RAB37: variants seen among roughly 807,000 people sequenced by gnomAD.
RAB37 encodes RAB37, member RAS oncogene family.
RAB37 carries 29 observed loss-of-function variants against 33.1 expected under a neutral mutation model. That is an observed-to-expected ratio of 0.88 (90% CI 0.65 to 1.20). RAB37 has a LOEUF of 1.20. Ranked by LOEUF, RAB37 falls within the 50% of genes most tolerant of loss-of-function variation. The pLI is 0.00. For synonymous variants in RAB37, 128 were observed against 119.5 expected (o/e 1.07, Z -0.47); for missense variants, 299 against 301.1 (o/e 0.99, Z 0.05).
At chr17:74,680,949 C>A (rs1471177412) in intron 1 of RAB37, among the ~76,000 whole-genome samples, 1 of 152,214 alleles carries the variant, frequency 6.6e-6, no homozygotes, top group Non-Finnish European at 1.5e-5. Context: ...CCCACCACCA[C>A]CCCTGTTCAC....
At chr17:74,700,815 C>T (rs1052551969) in intron 1 of RAB37, among the ~76,000 whole-genome samples, 6 of 152,202 alleles carry the variant, frequency 3.9e-5, no homozygotes, top group East Asian at 3.9e-4. Context: ...ACCACCCCCC[C>T]ACCCCAATCC....
At chr17:74,736,488 A>G (rs2034476520), upstream of RAB37, 6 of 1,393,704 alleles carry the variant, frequency 4.3e-6, no homozygotes, top group Non-Finnish European at 5.6e-6. Context: ...CGACTTCATG[A>G]ATTTATTTGG....
rs1232525163 is a variant in RAB37 at position 74,676,472 on chromosome 17, G to C, written c.72+4814G>C. Among the ~76,000 whole-genome samples, 1 of 152,016 alleles carries C rather than the reference G, an allele frequency of 6.6e-6. No homozygotes were observed. The highest frequency in any genetic ancestry group is 1.5e-5 in the Non-Finnish European group (1 of 68,008). Reference sequence around the variant, plus strand: ...TCCGACTGCTCTAACACCTCTTCTGGGTGAAAGGAAAAGGCAAGCAGGTAA... The same window carrying C: ...TCCGACTGCTCTAACACCTCTTCTGCGTGAAAGGAAAAGGCAAGCAGGTAA... On this transcript the variant is annotated intron_variant, in intron 1 of 7. Coordinates refer to the RAB37 transcript ENST00000340415. The surrounding 1 kb of genome is among the most constrained non-coding windows in gnomAD (Gnocchi z 4.1).
At chr17:74,686,161 C>T (rs750717456) in intron 1 of RAB37, among the ~76,000 whole-genome samples, 4 of 152,056 alleles carry the variant, frequency 2.6e-5, no homozygotes, top group Admixed American at 6.6e-5. Flanking sequence ...AGTGCCATTT[C>T]GGCTTACCGT....
At chr17:74,708,242 C>T (rs930788754) in intron 1 of RAB37, among the ~76,000 whole-genome samples, 2 of 151,838 alleles carry the variant, frequency 1.3e-5, no homozygotes, top group Non-Finnish European at 2.9e-5. Flanking sequence ...TGAATCATTC[C>T]ACAGCTATTA....
chr17:74,705,231 T>C (rs2033412022), intron 1 of RAB37: 1 of 702,312 alleles, frequency 1.4e-6, no homozygotes, highest in African/African-American at 1.7e-5. Context: ...ATGACCCTCA[T>C]GAGGTCGAGC....
intron 1 of RAB37, among the ~76,000 whole-genome samples, chr17:74,718,602 G>A (rs2034200221): frequency 6.6e-6 from 1 of 152,170 alleles, no homozygotes; most frequent in Non-Finnish European, 1.5e-5. Flanking sequence ...TTCAGCAACA[G>A]GTAGGCTAAA....
intron 1 of RAB37, among the ~76,000 whole-genome samples, chr17:74,675,650 C>T (rs2031813969): frequency 6.6e-6 from 1 of 152,204 alleles, no homozygotes; most frequent in African/African-American, 2.4e-5. Flanking sequence ...AGCGTGACTT[C>T]TATGCAAACA....
chr17:74,685,017 C>T (rs1204839437), intron 1 of RAB37, among the ~76,000 whole-genome samples: 2 of 150,656 alleles, frequency 1.3e-5, no homozygotes, highest in African/African-American at 4.9e-5. Flanking sequence ...TTTTGAAACT[C>T]ATAGAAAGGT....
chr17:74,710,478 T>C (rs1216428887), intron 1 of RAB37, among the ~76,000 whole-genome samples: 1 of 152,040 alleles, frequency 6.6e-6, no homozygotes, highest in Non-Finnish European at 1.5e-5. Flanking sequence ...GAAAGTAAAG[T>C]AGAAAAGTGC....
In RAB37 at chr17:74,744,407, T is replaced by C; in HGVS notation, c.432+34T>C. 6.2e-7 allele frequency: 1 copy of C among 1,601,076 alleles called. No individual in the cohort carries two copies. ...CTCCGGGGCAGGGTCAGCCCAGCCCTGCACTTCCTCAGCCCTAGCCGGCCC... is the reference window on the plus strand; with the variant it reads ...CTCCGGGGCAGGGTCAGCCCAGCCCCGCACTTCCTCAGCCCTAGCCGGCCC... On this transcript the variant is annotated intron_variant, in intron 6 of 8. Transcript: ENST00000392613. The surrounding 1 kb of genome is among the most constrained non-coding windows in gnomAD (Gnocchi z 4.2).
At chr17:74,711,950 G>C (rs2033999632) in intron 1 of RAB37, among the ~76,000 whole-genome samples, 1 of 126,012 alleles carries the variant, frequency 7.9e-6, no homozygotes, top group Non-Finnish European at 1.6e-5. Flanking sequence ...TGTCACCCAT[G>C]CTGGAAGGCA....
intron 1 of RAB37, among the ~76,000 whole-genome samples, chr17:74,693,153 G>A (rs1225110016): frequency 6.6e-6 from 1 of 152,242 alleles, no homozygotes; most frequent in African/African-American, 2.4e-5. Context: ...CTTCTAAGAG[G>A]TAACATTTAA....
rs773502436 is a variant in RAB37 at position 74,744,834 on chromosome 17, A to C, written c.433-39A>C. 2.5e-6 allele frequency: 4 copies of C among 1,611,704 alleles called. No individual in the cohort carries two copies. The South Asian group carries it at 3.3e-5, about 13-fold the overall frequency. ...GCAAAATATGGGCCCGCTGGGGCGG[A>C]GGCCTCCTTCCCCAGAGTGACCCAT... On this transcript the variant is annotated intron_variant, in intron 6 of 8. Coordinates refer to ENST00000392613, the MANE Select transcript of RAB37 (RefSeq NM_001006638.3). This position sits in a 1 kb window ranked among gnomAD's most constrained non-coding sequence, Gnocchi z 4.2.
chr17:74,734,587 T>C (rs986106563), upstream of RAB37, among the ~76,000 whole-genome samples: 1 of 152,174 alleles, frequency 6.6e-6, no homozygotes, highest in Non-Finnish European at 1.5e-5. Context: ...TTCACACCTG[T>C]AATCCCAATA....
chr17:74,687,808 G>C (rs190800789), intron 1 of RAB37, among the ~76,000 whole-genome samples: 36 of 152,258 alleles, frequency 2.4e-4, no homozygotes, highest in African/African-American at 8.7e-4. Context: ...AGTGTGAACC[G>C]GATCCATGGC....
At chr17:74,682,659 C>G (rs1301515889) in intron 1 of RAB37, among the ~76,000 whole-genome samples, 1 of 152,206 alleles carries the variant, frequency 6.6e-6, no homozygotes, top group Non-Finnish European at 1.5e-5. Context: ...AATCCCAGCA[C>G]TTTGGGAGGT....
chr17:74,733,815 C>G (rs574142746), upstream of RAB37, among the ~76,000 whole-genome samples: 1 of 152,010 alleles, frequency 6.6e-6, no homozygotes, highest in African/African-American at 2.4e-5. Flanking sequence ...CCCGAGGCTG[C>G]CCTTGAACAC....
intron 1 of RAB37, chr17:74,712,724 C>T: frequency 8.2e-7 from 1 of 1,217,608 alleles, no homozygotes. Flanking sequence ...AAGGCTCATG[C>T]CATTAAGGAC....
Sources: allele counts gnomAD v4.1 joint callset (sites outside exome capture counted in the v4.1 genomes callset), GRCh38; gene constraint gnomAD v4.1.1; non-coding constraint Gnocchi (gnomAD v3.1); transcripts MANE v1.5; gene names NCBI Gene and HGNC (gene_info 2026-07-23, HGNC 2026-07-21).